The following PPP2R2B variants were observed in gnomAD, a reference collection of about 807,000 sequenced individuals.
The protein encoded by PPP2R2B is serine/threonine-protein phosphatase 2A 55 kDa regulatory subunit B beta isoform.
Under a neutral mutation model 46.0 loss-of-function variants are expected in PPP2R2B, and 5 were observed. The observed-to-expected ratio is 0.11, with a 90% CI of 0.06 to 0.23. The LOEUF (loss-of-function observed/expected upper bound fraction) is 0.23. Ranked by LOEUF, PPP2R2B falls within the 10% of genes least tolerant of loss-of-function variation. The pLI is 1.00. For synonymous variants in PPP2R2B, 215 were observed against 206.7 expected, an observed-to-expected ratio of 1.04 and a Z score of -0.34; for missense variants, 367 against 575.0, an observed-to-expected ratio of 0.64 and a Z score of 3.70.
chr5:147,063,055 G>A (rs1318532292), intron 2 of PPP2R2B, among the ~76,000 whole-genome samples: 1 of 148,598 alleles, frequency 6.7e-6, no homozygotes, highest in East Asian at 2.0e-4. Flanking sequence ...GAGAAGGGAA[G>A]GGAAGAGAAG....
At chr5:146,709,580 G>GGAAGTAAGT (rs1780101628) in intron 2 of PPP2R2B, among the ~76,000 whole-genome samples, 1 of 152,174 alleles carries the variant, frequency 6.6e-6, no homozygotes, top group Non-Finnish European at 1.5e-5. Context: ...CTGAATAAAA[G>GGAAGTAAGT]GAAGTAAGTG....
chr5:146,771,441 G>A (rs988691999), intron 2 of PPP2R2B, among the ~76,000 whole-genome samples: 9 of 152,164 alleles, frequency 5.9e-5, no homozygotes, highest in Admixed American at 5.9e-4. Flanking sequence ...AACTACAAGT[G>A]AGCCTGTTGA....
At chr5:146,770,742 G>A (rs1754801406) in intron 2 of PPP2R2B, among the ~76,000 whole-genome samples, 1 of 152,178 alleles carries the variant, frequency 6.6e-6, no homozygotes, top group African/African-American at 2.4e-5. Flanking sequence ...TGGGACTTGA[G>A]AATGCATGGG....
At chr5:146,746,365 G>A (rs1753190948) in intron 2 of PPP2R2B, among the ~76,000 whole-genome samples, 1 of 119,308 alleles carries the variant, frequency 8.4e-6, no homozygotes. Context: ...CTTTGAAACA[G>A]CTTTTGGACT....
intron 2 of PPP2R2B, among the ~76,000 whole-genome samples, chr5:146,870,216 C>T (rs1295174389): frequency 3.3e-5 from 5 of 152,060 alleles, no homozygotes. Flanking sequence ...TTTTCAGTTC[C>T]CCAGTGTTAT....
At chr5:146,861,058 T>C (rs572499044) in intron 2 of PPP2R2B, among the ~76,000 whole-genome samples, 22 of 97,566 alleles carry the variant, frequency 2.3e-4, no homozygotes, top group Non-Finnish European at 3.3e-4. Context: ...TTTTTTCTTT[T>C]TTTTTTTTTT....
chr5:146,921,145 T>C (rs1231636108), intron 1 of PPP2R2B, among the ~76,000 whole-genome samples: 1 of 152,242 alleles, frequency 6.6e-6, no homozygotes, highest in Non-Finnish European at 1.5e-5. Flanking sequence ...GACTCATTAA[T>C]ATTTGTAAAT....
At chr5:146,687,629 T>G (rs1282983173) in intron 5 of PPP2R2B, among the ~76,000 whole-genome samples, 1 of 152,202 alleles carries the variant, frequency 6.6e-6, no homozygotes, top group Non-Finnish European at 1.5e-5. Flanking sequence ...TATTAAATTA[T>G]TACCATGATT....
chr5:146,793,979 T>A (rs1015980450), intron 2 of PPP2R2B, among the ~76,000 whole-genome samples: 1 of 152,168 alleles, frequency 6.6e-6, no homozygotes, highest in African/African-American at 2.4e-5. Flanking sequence ...CAGTAGATAT[T>A]GAGTAGAGCT....
At chr5:146,797,814 G>A (rs1240289208) in intron 2 of PPP2R2B, among the ~76,000 whole-genome samples, 2 of 152,078 alleles carry the variant, frequency 1.3e-5, no homozygotes, top group South Asian at 2.1e-4. Flanking sequence ...GGACTCCAAC[G>A]CACAACTGCA....
chr5:146,657,527 G>A (rs550122047), intron 5 of PPP2R2B, among the ~76,000 whole-genome samples: 39 of 152,240 alleles, frequency 2.6e-4, no homozygotes, highest in Non-Finnish European at 5.1e-4. Context: ...ATTATGTTAT[G>A]GAAGGAGCAT....
chr5:146,778,581 A>G (rs1248635059), intron 2 of PPP2R2B, among the ~76,000 whole-genome samples: 1 of 152,202 alleles, frequency 6.6e-6, no homozygotes, highest in African/African-American at 2.4e-5. Context: ...ATGGTGCCAC[A>G]GTACCATCTT....
chr5:146,889,549 GGGGTAATGCATGAGGTCAATGGCAGGA>G (rs921258737), intron 1 of PPP2R2B, among the ~76,000 whole-genome samples: 3 of 152,128 alleles, frequency 2.0e-5, no homozygotes, highest in Admixed American at 6.6e-5. Flanking sequence ...TAATGGCAGG[GGGGTAATGCATGAGGTCAATGGCAGGA>G]GGGTAATGCA....
In PPP2R2B at chr5:147,002,451, C is replaced by A. The variant is rs535597704; in HGVS notation, c.79+53214G>T. Reference sequence around the variant, plus strand: ...ATGGCCCTCCACTTCATTTTTGGGGCATAACATCTTTATAGGAAATGGATA... The same window carrying A: ...ATGGCCCTCCACTTCATTTTTGGGGAATAACATCTTTATAGGAAATGGATA... On this transcript the variant is annotated intron_variant, in intron 1 of 8. Transcript: ENST00000336640. 2.6e-5 allele frequency among the ~76,000 whole-genome samples: 4 copies of A among 152,242 alleles called. No individual in the cohort carries two copies. In the South Asian group the frequency reaches 8.3e-4, roughly 32 times the overall value.
intron 2 of PPP2R2B, among the ~76,000 whole-genome samples, chr5:146,804,435 T>A (rs1241261012): frequency 1.3e-5 from 2 of 152,096 alleles, no homozygotes; most frequent in East Asian, 3.9e-4. Context: ...AAGTTTGTAG[T>A]TCTGTTGCCT....
intron 1 of PPP2R2B, among the ~76,000 whole-genome samples, chr5:146,932,256 A>G (rs114811004): frequency 0.022 from 3,324 of 152,238 alleles, 44 homozygotes; most frequent in Non-Finnish European, 0.032. Context: ...TCAGCTTTCT[A>G]TCCTGGTTTG....
intron 2 of PPP2R2B, among the ~76,000 whole-genome samples, chr5:146,818,093 T>C (rs1486715302): frequency 6.6e-6 from 1 of 152,188 alleles, no homozygotes; most frequent in Non-Finnish European, 1.5e-5. Context: ...GGTCAGGTTA[T>C]CTCAGCACAG....
chr5:146,827,265 A>T (rs543349176), intron 2 of PPP2R2B, among the ~76,000 whole-genome samples: 1 of 152,316 alleles, frequency 6.6e-6, no homozygotes, highest in Non-Finnish European at 1.5e-5. Flanking sequence ...CTCCTAAGTG[A>T]ATTTATTTTA....
intron 2 of PPP2R2B, among the ~76,000 whole-genome samples, chr5:146,832,356 C>T (rs1225101860): frequency 1.4e-5 from 2 of 139,692 alleles, no homozygotes; most frequent in Non-Finnish European, 3.1e-5. Flanking sequence ...GTGCCCTACA[C>T]AAGTAAGTGT....
Sources: allele counts gnomAD v4.1 joint callset (sites outside exome capture counted in the v4.1 genomes callset), GRCh38; gene constraint gnomAD v4.1.1; transcripts MANE v1.5; gene names NCBI Gene and HGNC (gene_info 2026-07-23, HGNC 2026-07-21).